SGCD: variants seen among roughly 807,000 people sequenced by gnomAD.
SGCD encodes sarcoglycan delta, also known as delta-sarcoglycan.
SGCD carries 18 observed loss-of-function variants against 36.6 expected under a neutral mutation model. That is an observed-to-expected ratio of 0.49 (90% CI 0.34 to 0.73). The LOEUF (loss-of-function observed/expected upper bound fraction) is 0.73, where lower values mean the gene tolerates loss of function less well. Ranked by LOEUF, SGCD falls within the 30% of genes least tolerant of loss-of-function variation. The probability of loss-of-function intolerance (pLI) is 0.01; values close to 1 mark genes in which losing one functional copy is unlikely to be tolerated. For missense variants in SGCD, 387 were observed against 346.7 expected, an observed-to-expected ratio of 1.12 and a Z score of -0.92; for synonymous variants, 133 against 130.6, an observed-to-expected ratio of 1.02 and a Z score of -0.12.
intron 7 of SGCD, among the ~76,000 whole-genome samples, chr5:156,680,853 G>A (rs1229760103): frequency 6.6e-6 from 1 of 152,174 alleles, no homozygotes; most frequent in Non-Finnish European, 1.5e-5. Flanking sequence ...GCTGAGACAG[G>A]ATAGTTTCCT....
intron 2 of SGCD, among the ~76,000 whole-genome samples, chr5:156,342,445 T>G (rs1857770): frequency 0.075 from 11,474 of 152,292 alleles, 444 homozygotes; most frequent in South Asian, 0.18. Flanking sequence ...TTGATTAATA[T>G]CAAAGGAAAT....
chr5:156,423,603 G>A (rs1014964450), intron 3 of SGCD, among the ~76,000 whole-genome samples: 8 of 151,026 alleles, frequency 5.3e-5, no homozygotes, highest in African/African-American at 1.9e-4. Context: ...TGAGAACACT[G>A]CCTGACACTT....
At chr5:155,943,664 A>G (rs1757379030) in intron 1 of SGCD, among the ~76,000 whole-genome samples, 1 of 152,174 alleles carries the variant, frequency 6.6e-6, no homozygotes, top group Non-Finnish European at 1.5e-5. Context: ...AATCCCCTTA[A>G]TGTCAGTAAC....
chr5:155,822,131 G>A, the SGCD span, among the ~76,000 whole-genome samples: 3 of 152,320 alleles, frequency 2.0e-5, no homozygotes, highest in Non-Finnish European at 4.4e-5. Context: ...CCAGTGAGGA[G>A]AGAGGCATAT....
the SGCD span, among the ~76,000 whole-genome samples, chr5:155,735,085 T>C: frequency 6.6e-6 from 1 of 152,220 alleles, no homozygotes; most frequent in Non-Finnish European, 1.5e-5. Flanking sequence ...GGATGACTAA[T>C]TGAAACTTTG....
the SGCD span, among the ~76,000 whole-genome samples, chr5:155,833,053 C>CAAAAAAAAAAA: frequency 7.4e-4 from 67 of 90,270 alleles, no homozygotes; most frequent in East Asian, 3.1e-3. Flanking sequence ...ACTAAAAATA[C>CAAAAAAAAAAA]GAAAAAAAAA....
chr5:156,528,396 A>G lies in SGCD; in HGVS notation c.294+19694A>G, dbSNP rs371905798. 4.6e-5 allele frequency among the ~76,000 whole-genome samples: 7 copies of G among 152,270 alleles called. No individual in the cohort carries two copies. In the South Asian group the frequency reaches 1.5e-3, roughly 32 times the overall value. On this transcript the variant is annotated intron_variant, in intron 4 of 8. Transcript: ENST00000337851. Reference sequence around the variant, plus strand: ...TATATTATTAGCATTTATTAATACTATTATCTTTTTTTGCCACCGTCTCCT... The same window carrying G: ...TATATTATTAGCATTTATTAATACTGTTATCTTTTTTTGCCACCGTCTCCT...
intron 7 of SGCD, among the ~76,000 whole-genome samples, chr5:156,737,958 C>A (rs1191111976): frequency 6.6e-6 from 1 of 152,050 alleles, no homozygotes; most frequent in African/African-American, 2.4e-5. Flanking sequence ...TAGGCTGAAC[C>A]GATTTTCAAT....
intron 3 of SGCD, among the ~76,000 whole-genome samples, chr5:156,375,271 G>T (rs72798952): frequency 0.012 from 1,805 of 151,908 alleles, 19 homozygotes; most frequent in South Asian, 0.043. Context: ...GAACAGTAAT[G>T]TTCTCTTACA....
the SGCD span, among the ~76,000 whole-genome samples, chr5:155,786,292 G>C: frequency 6.6e-6 from 1 of 152,132 alleles, no homozygotes; most frequent in African/African-American, 2.4e-5. Flanking sequence ...GCTTTTACAT[G>C]CTTAGAATAT....
At chr5:155,952,579 A>G (rs1757568451) in intron 1 of SGCD, among the ~76,000 whole-genome samples, 1 of 152,046 alleles carries the variant, frequency 6.6e-6, no homozygotes, top group Admixed American at 6.6e-5. Flanking sequence ...GAAAACAGTC[A>G]TGGGGAGGGC....
At chr5:156,277,937 A>T (rs184856749) in intron 3 of SGCD, among the ~76,000 whole-genome samples, 36 of 152,300 alleles carry the variant, frequency 2.4e-4, no homozygotes, top group Admixed American at 9.2e-4. Context: ...AGAAATGGAC[A>T]TTACGCACAC....
chr5:156,116,704 A>G (rs1761913873), intron 1 of SGCD, among the ~76,000 whole-genome samples: 1 of 152,130 alleles, frequency 6.6e-6, no homozygotes, highest in Non-Finnish European at 1.5e-5. Flanking sequence ...AATGTTACAC[A>G]AGTTACTTTA....
At chr5:156,276,110 A>C (rs1766312581) in intron 3 of SGCD, among the ~76,000 whole-genome samples, 2 of 152,158 alleles carry the variant, frequency 1.3e-5, no homozygotes, top group Non-Finnish European at 2.9e-5. Context: ...TGTCAAACCT[A>C]TACTGACACC....
chr5:156,521,646 A>G (rs4639205), intron 4 of SGCD, among the ~76,000 whole-genome samples: 20,023 of 152,162 alleles, frequency 0.13, 1,420 homozygotes, highest in Admixed American at 0.17. Flanking sequence ...CCACAATGAG[A>G]TACCACCTCA....
At position 156,518,860 on chromosome 5, in the gene SGCD, G is replaced by A. The variant is rs182858544; in HGVS notation, c.294+10158G>A. Among the ~76,000 whole-genome samples the A allele has an allele frequency of 7.8e-3, 1,184 of 152,256 alleles. 10 individuals are homozygous for A. The highest frequency in any genetic ancestry group is 0.012 in the Non-Finnish European group (798 of 68,004). On this transcript the variant is annotated intron_variant, in intron 4 of 8. Transcript: ENST00000337851. ...TGGGATGCAGTTAAAGCAGTGTTAAGAGGGAAATTTATAGCACTAAGTGTC... is the reference window on the plus strand; with the variant it reads ...TGGGATGCAGTTAAAGCAGTGTTAAAAGGGAAATTTATAGCACTAAGTGTC...
chr5:156,091,493 G>A (rs761192831), intron 1 of SGCD, among the ~76,000 whole-genome samples: 8 of 152,136 alleles, frequency 5.3e-5, no homozygotes, highest in African/African-American at 1.4e-4. Flanking sequence ...AGTAGTCACC[G>A]CAGCATACCC....
chr5:156,078,560 T>TA lies in SGCD; in HGVS notation c.-281-39318_-281-39317insA, dbSNP rs1491254206. On this transcript the variant is annotated intron_variant, in intron 1 of 9. Transcript: ENST00000517913. Reference sequence around the variant, plus strand: ...ATATTTATTTATATATATATTTATATTTATATATATATTTATATTTATATA... The same window carrying TA: ...ATATTTATTTATATATATATTTATATATTATATATATATTTATATTTATATA... Among the ~76,000 whole-genome samples the TA allele has an allele frequency of 5.8e-4, 67 of 115,456 alleles. 1 individual carries two copies. The highest frequency in any genetic ancestry group is 4.0e-3 in the Middle Eastern group (1 of 248). The allele number at this position is 115,456 out of a possible 152,430, so 75.7% of individuals were successfully genotyped here.
chr5:156,172,072 C>G (rs1372380022), intron 3 of SGCD, among the ~76,000 whole-genome samples: 1 of 152,092 alleles, frequency 6.6e-6, no homozygotes. Flanking sequence ...CACCTGAGGT[C>G]AGGAGTTTGA....
Sources: gnomAD v4.1 joint callset for allele counts (sites outside exome capture counted in the v4.1 genomes callset) on GRCh38, gnomAD v4.1.1 for gene constraint, MANE v1.5 for transcripts, NCBI Gene and HGNC (gene_info 2026-07-23, HGNC 2026-07-21) for gene names.